Variants in COL4A1 observed in about 807,000 individuals in gnomAD.
COL4A1 encodes the protein collagen alpha-1(IV) chain.
In COL4A1, 40 loss-of-function variants were observed where a neutral mutation model predicts 216.6. That is an observed-to-expected ratio of 0.18 (90% CI 0.14 to 0.24). The LOEUF (loss-of-function observed/expected upper bound fraction) is 0.24, where lower values mean the gene tolerates loss of function less well. COL4A1 is among the 10% of genes least tolerant of loss of function. The pLI is 1.00. For missense variants in COL4A1, 1,628 were observed against 2,196.8 expected, an observed-to-expected ratio of 0.74 and a Z score of 5.18; for synonymous variants, 839 against 810.7, an observed-to-expected ratio of 1.03 and a Z score of -0.59.
At chr13:110,201,990 A>G (rs566111849) in intron 18 of COL4A1, among the ~76,000 whole-genome samples, 2 of 152,164 alleles carry the variant, frequency 1.3e-5, no homozygotes, top group Non-Finnish European at 2.9e-5. Flanking sequence ...TCAAACAAAG[A>G]AACAAACAGC....
In COL4A1 at chr13:110,150,454, G is replaced by A. The variant is rs369534245; in HGVS notation, c.4929-10C>T. The A allele has an allele frequency of 9.9e-6, 16 of 1,613,356 alleles. No homozygotes were observed. Among genetic ancestry groups the A allele is most frequent in the East Asian group, 8.9e-5 (4 of 44,880 alleles). ...GGACGGCGTAGGCTTCCTAAAACAC[G>A]ACACAGAGACAGACCATTGGCCATC... is the stretch of plus-strand genomic sequence containing the variant. On this transcript the variant is annotated splice_polypyrimidine_tract_variant and intron_variant, in intron 51 of 51. Transcript: ENST00000375820.
intron 19 of COL4A1, 100 bp downstream of exon 19, chr13:110,201,338 A>AAGAGAAGGAGGG (rs1879211582): frequency 3.1e-6 from 2 of 635,726 alleles, no homozygotes; most frequent in Non-Finnish European, 5.2e-6. Flanking sequence ...AAGGAGGAGG[A>AAGAGAAGGAGGG]GGAACAGGAG....
intron 1 of COL4A1, among the ~76,000 whole-genome samples, chr13:110,245,447 C>T (rs1881755695): frequency 6.6e-6 from 1 of 152,204 alleles, no homozygotes; most frequent in African/African-American, 2.4e-5. Flanking sequence ...AGGAAATGTC[C>T]AGCAGTCATC....
At chr13:110,238,690 T>C (rs1881430550) in intron 2 of COL4A1, among the ~76,000 whole-genome samples, 1 of 152,176 alleles carries the variant, frequency 6.6e-6, no homozygotes, top group African/African-American at 2.4e-5. Context: ...AATTCCCTTT[T>C]TTGGACACTG....
intron 41 of COL4A1, among the ~76,000 whole-genome samples, chr13:110,171,103 C>T (rs1877623997): frequency 6.6e-6 from 1 of 152,248 alleles, no homozygotes; most frequent in African/African-American, 2.4e-5. Flanking sequence ...CTGGACAAGC[C>T]AATCATGTTA....
intron 15 of COL4A1, 151 bp from the exon 16 acceptor site, chr13:110,205,689 C>G: frequency 1.2e-6 from 1 of 808,974 alleles, no homozygotes; most frequent in South Asian, 1.4e-5. Flanking sequence ...ATGGCGAAAT[C>G]CCGTCTCCAC....
chr13:110,209,734 A>G, intron 10 of COL4A1: 1 of 749,106 alleles, frequency 1.3e-6, no homozygotes, highest in Middle Eastern at 2.5e-4. Flanking sequence ...CCCTTCAACC[A>G]TGACTGCATT....
intron 1 of COL4A1, among the ~76,000 whole-genome samples, chr13:110,289,930 T>C (rs938677441): frequency 9.9e-5 from 15 of 152,032 alleles, no homozygotes; most frequent in African/African-American, 2.4e-5. Context: ...CACATCCTCA[T>C]GGAGGACAAG....
intron 1 of COL4A1, among the ~76,000 whole-genome samples, chr13:110,261,974 C>T (rs761484023): frequency 5.3e-5 from 8 of 152,268 alleles, no homozygotes; most frequent in Admixed American, 4.6e-4. Context: ...CAGCTGTGAC[C>T]GGGCGGGAAG....
intron 1 of COL4A1, among the ~76,000 whole-genome samples, chr13:110,277,904 T>C (rs1384445962): frequency 6.6e-6 from 1 of 152,194 alleles, no homozygotes; most frequent in African/African-American, 2.4e-5. Context: ...AATTCCCATA[T>C]CATCTTTTAT....
At chr13:110,169,866 A>C in intron 42 of COL4A1, 104 bp from the exon 43 acceptor site, 1 of 1,421,900 alleles carries the variant, frequency 7.0e-7, no homozygotes, top group Admixed American at 1.8e-5. Context: ...CACTGATACA[A>C]CACTGGACCA....
At chr13:110,219,390 T>C (rs1236836469) in intron 2 of COL4A1, among the ~76,000 whole-genome samples, 1 of 152,184 alleles carries the variant, frequency 6.6e-6, no homozygotes, top group Non-Finnish European at 1.5e-5. Context: ...ATTTCTTGCA[T>C]TTAAATATTT....
chr13:110,234,455 G>A (rs1881210373), intron 2 of COL4A1, among the ~76,000 whole-genome samples: 2 of 152,072 alleles, frequency 1.3e-5, no homozygotes, highest in Admixed American at 6.6e-5. Flanking sequence ...GGGGGTACAC[G>A]CCTATAATCC....
At chr13:110,293,702 AC>A (rs1001616087) in intron 1 of COL4A1, among the ~76,000 whole-genome samples, 1 of 152,260 alleles carries the variant, frequency 6.6e-6, no homozygotes, top group African/African-American at 2.4e-5. Flanking sequence ...CAAATTAAGG[AC>A]CATTTCTAGA....
chr13:110,184,494 A>G (rs967955400), intron 26 of COL4A1, among the ~76,000 whole-genome samples: 1 of 152,108 alleles, frequency 6.6e-6, no homozygotes, highest in Non-Finnish European at 1.5e-5. Flanking sequence ...GAGTCATAAA[A>G]GAGACATTTC....
intron 39 of COL4A1, 56 bp from the exon 40 acceptor site, chr13:110,174,054 G>T (rs1877765193): frequency 5.7e-6 from 9 of 1,590,588 alleles, no homozygotes; most frequent in Admixed American, 1.7e-5. Flanking sequence ...CACCCTAGCT[G>T]CCATACAAAA....
intron 2 of COL4A1, among the ~76,000 whole-genome samples, chr13:110,217,648 T>C (rs1880154367): frequency 6.6e-6 from 1 of 152,220 alleles, no homozygotes; most frequent in South Asian, 2.1e-4. Flanking sequence ...CTCTCATTCC[T>C]GAACATCAGT....
In COL4A1 at chr13:110,211,746, ATAT is replaced by A; in HGVS notation, c.442-76_442-74del. ...TTAGCATTAAAATTGTTATCATGTA[ATAT>A]TATATATAAAATATAAGTTATTAAA... On this transcript the variant is annotated intron_variant, in intron 7 of 51. Transcript: ENST00000375820. The surrounding 1 kb of genome is among the most constrained non-coding windows in gnomAD (Gnocchi z 4.3). 7.0e-7 allele frequency: 1 copy of A among 1,429,118 alleles called. No homozygotes were observed. Among genetic ancestry groups the A allele is most frequent in the Non-Finnish European group, 9.5e-7 (1 of 1,047,266 alleles). The allele number at this position is 1,429,118 out of a possible 1,614,324, so 88.5% of individuals were successfully genotyped here.
At chr13:110,260,629 AT>A (rs796220732) in intron 1 of COL4A1, among the ~76,000 whole-genome samples, 1 of 152,120 alleles carries the variant, frequency 6.6e-6, no homozygotes, top group East Asian at 1.9e-4. Flanking sequence ...ACAGTATGAC[AT>A]TTTTTTTCTG....
Sources: allele counts gnomAD v4.1 joint callset (sites outside exome capture counted in the v4.1 genomes callset), GRCh38; gene constraint gnomAD v4.1.1; non-coding constraint Gnocchi (gnomAD v3.1); transcripts MANE v1.5; gene names NCBI Gene and HGNC (gene_info 2026-07-23, HGNC 2026-07-21).